Variants in C11orf65 observed in about 807,000 individuals in gnomAD.
C11orf65 encodes protein MFI.
Under a neutral mutation model 35.3 loss-of-function variants are expected in C11orf65, and 38 were observed. That is an observed-to-expected ratio of 1.08 (90% confidence interval 0.83 to 1.41). The LOEUF is 1.41. C11orf65 is among the 40% of genes most tolerant of loss of function. The pLI is 0.00. For missense variants in C11orf65, 370 were observed against 367.1 expected (o/e 1.01, Z -0.06); for synonymous variants, 105 against 114.4 (o/e 0.92, Z 0.53).
At chr11:108,332,536 T>C (rs1211502389) in intron 3 of C11orf65, among the ~76,000 whole-genome samples, 11 of 152,146 alleles carry the variant, frequency 7.2e-5, no homozygotes, top group Non-Finnish European at 1.5e-5. Context: ...CTCAAAGCAG[T>C]TGGCAAAGTG....
downstream of C11orf65, chr11:108,330,134 A>G (rs1290908609): frequency 6.8e-7 from 1 of 1,471,816 alleles, no homozygotes; most frequent in African/African-American, 1.4e-5. Context: ...TTTTTCATTA[A>G]ATGTTGTATA....
At position 108,406,906 on chromosome 11, in the gene C11orf65, GATCTTC is replaced by G; in HGVS notation, c.280_285del (p.Glu94_Asp95del). Reference sequence around the variant, plus strand: ...TAATTTCTAGGGCTGTTAGCACAGAGATCTTCAATAGGTCTGTGAGTAAAAATCTTA... The same window carrying G: ...TAATTTCTAGGGCTGTTAGCACAGAGAATAGGTCTGTGAGTAAAAATCTTA... On this transcript the variant is annotated inframe_deletion, in exon 5 of 9. Coordinates refer to ENST00000393084, the MANE Select transcript of C11orf65 (RefSeq NM_152587.5). 1 of 1,612,460 alleles carries G rather than the reference GATCTTC, an allele frequency of 6.2e-7. No homozygotes were observed. The highest frequency in any genetic ancestry group is 1.1e-5 in the South Asian group (1 of 91,042).
At chr11:108,393,561 A>G (rs901205588) in intron 6 of C11orf65, among the ~76,000 whole-genome samples, 183 bp from the exon 7 acceptor site, 4 of 152,234 alleles carry the variant, frequency 2.6e-5, no homozygotes, top group East Asian at 3.8e-4. Flanking sequence ...TTCTGGGGGG[A>G]AAAGCAACTT....
At position 108,449,215 on chromosome 11, in the gene C11orf65, TA is replaced by T. The variant is rs1301382036; in HGVS notation, c.81+12263del. Among the ~76,000 whole-genome samples, 6 of 152,062 alleles carry T rather than the reference TA, an allele frequency of 3.9e-5. No homozygotes were observed. The East Asian group carries it at 1.2e-3, about 29-fold the overall frequency. On this transcript the variant is annotated intron_variant, in intron 2 of 8. Coordinates refer to ENST00000393084, the MANE Select transcript of C11orf65 (RefSeq NM_152587.5). ...GTGAAAATGGCCCTACTGCCCAAGG[TA>T]ATTTATAGATTCAATGCCATCCCCA...
At chr11:108,380,098 C>T (rs1437751281), downstream of C11orf65, among the ~76,000 whole-genome samples, 1 of 152,196 alleles carries the variant, frequency 6.6e-6, no homozygotes, top group Non-Finnish European at 1.5e-5. Context: ...ACTGATGATA[C>T]TGACTATGGT....
At chr11:108,467,741 G>A (rs1414029041), upstream of C11orf65, among the ~76,000 whole-genome samples, 1 of 152,168 alleles carries the variant, frequency 6.6e-6, no homozygotes, top group Non-Finnish European at 1.5e-5. Flanking sequence ...CTACGAAGTT[G>A]GGCTTAGTAT....
chr11:108,413,997 G>A (rs1420772859), intron 3 of C11orf65, among the ~76,000 whole-genome samples: 1 of 151,984 alleles, frequency 6.6e-6, no homozygotes, highest in East Asian at 1.9e-4. Context: ...CTAATGTTCT[G>A]CCTTGAGGGA....
chr11:108,313,535 C>T (rs953476827), intron 6 of C11orf65, among the ~76,000 whole-genome samples: 1 of 152,200 alleles, frequency 6.6e-6, no homozygotes, highest in African/African-American at 2.4e-5. Context: ...TAATACTTCA[C>T]ATCATCAACC....
chr11:108,329,353 T>C (rs1367415386), downstream of C11orf65: 3 of 957,362 alleles, frequency 3.1e-6, no homozygotes, highest in Admixed American at 7.0e-5. Flanking sequence ...GCTCTAAAGG[T>C]CGGCTTAACT....
Position 108,456,313 on chromosome 11 carries a change from T to C in C11orf65, c.81+5166A>G, listed in dbSNP as rs114613593. ...AGGTATTTGATCAGTTGGATATCCA[T>C]AAGAAAAAAATGAACTTTGTACCTC... is the stretch of plus-strand genomic sequence containing the variant. On this transcript the variant is annotated intron_variant, in intron 2 of 8. Transcript: ENST00000393084. Among the ~76,000 whole-genome samples, 628 of 152,170 alleles carry C rather than the reference T, an allele frequency of 4.1e-3. 3 individuals carry two copies. Among genetic ancestry groups the C allele is most frequent in the African/African-American group, 0.014 (583 of 41,542 alleles).
At chr11:108,328,357 C>T (rs1466686128), downstream of C11orf65, among the ~76,000 whole-genome samples, 1 of 152,202 alleles carries the variant, frequency 6.6e-6, no homozygotes, top group African/African-American at 2.4e-5. Flanking sequence ...AGCGATTCTC[C>T]TGCCTCAGCT....
At chr11:108,418,038 T>C (rs1229200197) in intron 3 of C11orf65, among the ~76,000 whole-genome samples, 1 of 151,996 alleles carries the variant, frequency 6.6e-6, no homozygotes, top group Non-Finnish European at 1.5e-5. Flanking sequence ...GGGACACACT[T>C]TATAATGATA....
intron 6 of C11orf65, among the ~76,000 whole-genome samples, chr11:108,321,710 C>A (rs1007003382): frequency 6.6e-6 from 1 of 151,222 alleles, no homozygotes; most frequent in African/African-American, 2.4e-5. Context: ...TTGAACCCAG[C>A]ACAACAGGCA....
intron 3 of C11orf65, chr11:108,331,616 T>TTATATAAAG: frequency 7.0e-7 from 1 of 1,422,982 alleles, no homozygotes. Context: ...TTACTATATA[T>TTATATAAAG]TATATAAAGT....
chr11:108,440,046 A>G (rs978612690), intron 2 of C11orf65, among the ~76,000 whole-genome samples: 2 of 152,216 alleles, frequency 1.3e-5, no homozygotes, highest in Admixed American at 6.5e-5. Context: ...TACTTAAAAC[A>G]AAAGTGTAAG....
intron 3 of C11orf65, among the ~76,000 whole-genome samples, chr11:108,429,854 TC>T (rs2092960395): frequency 6.6e-6 from 1 of 152,136 alleles, no homozygotes; most frequent in Admixed American, 6.5e-5. Context: ...CATGGGTGAA[TC>T]TTGAGGACAC....
At chr11:108,337,732 G>C (rs977072801) in intron 2 of C11orf65, among the ~76,000 whole-genome samples, 1 of 152,198 alleles carries the variant, frequency 6.6e-6, no homozygotes, top group African/African-American at 2.4e-5. Context: ...GAAGTTTTTA[G>C]AGACTAGATA....
At chr11:108,317,159 A>G (rs1298424066) in intron 6 of C11orf65, among the ~76,000 whole-genome samples, 1 of 151,482 alleles carries the variant, frequency 6.6e-6, no homozygotes, top group Non-Finnish European at 1.5e-5. Flanking sequence ...GGCTGGTCTC[A>G]AACTCCTGGG....
chr11:108,330,135 A>G, downstream of C11orf65: 4 of 1,475,156 alleles, frequency 2.7e-6, no homozygotes, highest in Non-Finnish European at 3.7e-6. Context: ...TTTTCATTAA[A>G]TGTTGTATAT....
Sources: gnomAD v4.1 joint callset for allele counts (sites outside exome capture counted in the v4.1 genomes callset) on GRCh38, gnomAD v4.1.1 for gene constraint, MANE v1.5 for transcripts, NCBI Gene and HGNC (gene_info 2026-07-23, HGNC 2026-07-21) for gene names.